The following CUL4A variants were observed in gnomAD, a reference collection of about 807,000 sequenced individuals.
The protein encoded by CUL4A is cullin-4A.
CUL4A carries 16 observed loss-of-function variants against 95.5 expected under a neutral mutation model. The ratio of observed to expected loss-of-function variants is 0.17; its 90% CI spans 0.11 to 0.25. The LOEUF is 0.25. CUL4A is among the 10% of genes least tolerant of loss of function. The probability of loss-of-function intolerance (pLI) is 1.00; values close to 1 mark genes in which losing one functional copy is unlikely to be tolerated. For synonymous variants in CUL4A, 380 were observed against 353.1 expected (o/e 1.08, Z -0.85); for missense variants, 610 against 937.0 (o/e 0.65, Z 4.56).
chr13:113,261,971 G>A (rs1459679146), intron 19 of CUL4A, among the ~76,000 whole-genome samples: 1 of 152,174 alleles, frequency 6.6e-6, no homozygotes, highest in African/African-American at 2.4e-5. Context: ...AGTAGAGACA[G>A]GGTTTTACCG....
rs2139321741 is a variant in CUL4A at position 113,263,535 on chromosome 13, A to G, written c.2233A>G (p.Met745Val). 1.2e-6 allele frequency: 2 copies of G among 1,610,418 alleles called. No individual in the cohort carries two copies. Among genetic ancestry groups the G allele is most frequent in the Non-Finnish European group, 1.7e-6 (2 of 1,178,482 alleles). Residue 745 changes from methionine to valine, a missense_variant, in exon 20 of 20, where the codon ATG becomes GTG. Coordinates refer to ENST00000375440, the MANE Select transcript of CUL4A (RefSeq NM_001008895.4). Reference protein sequence around the residue: ...RIESLIDRDYMERDKDNPNQY... With the variant: ...RIESLIDRDYVERDKDNPNQY... ...TGAATCTCTGATAGACAGAGACTAT[A>G]TGGAGAGAGACAAAGACAATCCGAA... is the stretch of plus-strand genomic sequence containing the variant.
intron 15 of CUL4A, among the ~76,000 whole-genome samples, chr13:113,249,794 A>G (rs575075476): frequency 1.3e-5 from 2 of 152,320 alleles, no homozygotes; most frequent in East Asian, 3.9e-4. Flanking sequence ...ATCCCTGTCC[A>G]TATGAGCTGG....
intron 9 of CUL4A, among the ~76,000 whole-genome samples, chr13:113,238,011 C>G (rs2041600203): frequency 2.6e-5 from 4 of 152,210 alleles, no homozygotes. Context: ...TGCTTGTGAG[C>G]TGAGAGTCAC....
At chr13:113,261,703 G>A (rs2042281088) in intron 19 of CUL4A, among the ~76,000 whole-genome samples, 1 of 152,236 alleles carries the variant, frequency 6.6e-6, no homozygotes, top group Non-Finnish European at 1.5e-5. Context: ...CTCGGGTAGA[G>A]AGTGGCAGAC....
At chr13:113,252,179 G>T (rs1051215681) in intron 15 of CUL4A, among the ~76,000 whole-genome samples, 1 of 152,194 alleles carries the variant, frequency 6.6e-6, no homozygotes, top group Non-Finnish European at 1.5e-5. Context: ...AAAGGCTGGT[G>T]CACTGAACGC....
upstream of CUL4A, chr13:113,209,049 G>T (rs1159421271): frequency 2.6e-5 from 8 of 311,766 alleles, no homozygotes; most frequent in Non-Finnish European, 3.7e-5. Flanking sequence ...GGAGGGGGAG[G>T]GGGAGGGACA....
At position 113,209,651 on chromosome 13, in the gene CUL4A, G is replaced by T; in HGVS notation, c.24G>T (p.Lys8Asn). The T allele has an allele frequency of 8.9e-7, 1 of 1,118,764 alleles. No homozygotes were observed. The highest frequency in any genetic ancestry group is 1.1e-6 in the Non-Finnish European group (1 of 916,786). The allele number at this position is 1,118,764 out of a possible 1,614,324, so 69.3% of individuals were successfully genotyped here. The stretch of plus-strand genomic sequence containing the variant: ...CCATGGCGGACGAGGCCCCGCGGAA[G>T]GGCAGCTTCTCGGCGCTCGTGGGCC... The part of the protein sequence containing the change: MADEAPR[K>N]GSFSALVGRT... Residue 8 changes from lysine (K) to asparagine (N), a missense_variant, in exon 1 of 20, where the codon AAG becomes AAT. Lys to Asn is a moderately conservative substitution (Grantham distance 94, BLOSUM62 0). This residue lies in a region of CUL4A where 168 missense variants were observed against 185.5 expected (regional missense o/e 0.91). Coordinates refer to ENST00000375440, the MANE Select transcript of CUL4A (RefSeq NM_001008895.4).
intron 9 of CUL4A, 72 bp from the exon 10 acceptor site, chr13:113,239,361 C>T (rs765725693): frequency 1.6e-5 from 20 of 1,272,880 alleles, no homozygotes; most frequent in African/African-American, 1.3e-4. Flanking sequence ...TTCTGGTGCA[C>T]GCTGTATTCT....
intron 9 of CUL4A, among the ~76,000 whole-genome samples, 152 bp from the exon 10 acceptor site, chr13:113,239,280 CA>C (rs1265774847): frequency 6.6e-6 from 1 of 152,192 alleles, no homozygotes; most frequent in African/African-American, 2.4e-5. Context: ...CATATTTAAC[CA>C]GATCAACCTG....
At chr13:113,212,218 T>A (rs950386694) in intron 2 of CUL4A, among the ~76,000 whole-genome samples, 1 of 152,362 alleles carries the variant, frequency 6.6e-6, no homozygotes, top group East Asian at 1.9e-4. Context: ...GTATCAGATA[T>A]TCGCCTTGCA....
chr13:113,220,308 T>A (rs1426733669), intron 3 of CUL4A, among the ~76,000 whole-genome samples: 1 of 152,260 alleles, frequency 6.6e-6, no homozygotes, highest in Non-Finnish European at 1.5e-5. Flanking sequence ...CCAGCTCTGT[T>A]GTGCTGGCTT....
At chr13:113,235,984 AAAG>A (rs1162486880) in intron 8 of CUL4A, among the ~76,000 whole-genome samples, 107 of 152,066 alleles carry the variant, frequency 7.0e-4, no homozygotes, top group African/African-American at 1.8e-3. Flanking sequence ...AAAAAAAAAA[AAAG>A]AAAATGATAC....
At chr13:113,209,304 G>C (rs190883041), upstream of CUL4A, among the ~76,000 whole-genome samples, 1,177 of 147,650 alleles carry the variant, frequency 8.0e-3, 19 homozygotes, top group African/African-American at 0.027. Flanking sequence ...CCGGAGCCCT[G>C]GGGGCAGGGT....
intron 6 of CUL4A, among the ~76,000 whole-genome samples, chr13:113,233,688 A>G (rs981410539): frequency 6.6e-6 from 1 of 152,226 alleles, no homozygotes; most frequent in East Asian, 1.9e-4. Flanking sequence ...TCTTTAGAGC[A>G]ATAGGACCCC....
At chr13:113,260,203 C>CAAAAAA (rs71101559) in intron 18 of CUL4A, among the ~76,000 whole-genome samples, 296 of 12,520 alleles carry the variant, frequency 0.024, 72 homozygotes, top group East Asian at 0.027. Flanking sequence ...GACTCCGTCT[C>CAAAAAA]AAAAAAAAAA....
chr13:113,260,356 G>A (rs2042244215), intron 18 of CUL4A, among the ~76,000 whole-genome samples: 2 of 151,748 alleles, frequency 1.3e-5, no homozygotes, highest in South Asian at 4.2e-4. Context: ...TTCAAAACCA[G>A]CCTGGCCAAC....
At chr13:113,238,939 T>A (rs1226926060) in intron 9 of CUL4A, among the ~76,000 whole-genome samples, 1 of 152,258 alleles carries the variant, frequency 6.6e-6, no homozygotes, top group African/African-American at 2.4e-5. Context: ...ATATTAAAAA[T>A]CTAAAACACT....
At chr13:113,260,978 G>A (rs2042260709) in intron 19 of CUL4A, among the ~76,000 whole-genome samples, 1 of 152,164 alleles carries the variant, frequency 6.6e-6, no homozygotes, top group South Asian at 2.1e-4. Flanking sequence ...TCCTTCCCAG[G>A]GATGGTGCGC....
At chr13:113,244,908 ACT>A (rs1311780217) in intron 12 of CUL4A, 39 bp from the exon 13 acceptor site, 3 of 1,288,782 alleles carry the variant, frequency 2.3e-6, no homozygotes, top group Non-Finnish European at 3.4e-6. Flanking sequence ...TTGCTTATCA[ACT>A]CTCTGATGTC....
Sources: allele counts gnomAD v4.1 joint callset (sites outside exome capture counted in the v4.1 genomes callset), GRCh38; gene constraint gnomAD v4.1.1; regional missense constraint gnomAD v4.1.1; transcripts MANE v1.5; gene names NCBI Gene and HGNC (gene_info 2026-07-23, HGNC 2026-07-21).